CDYL: variants seen among roughly 807,000 people sequenced by gnomAD.
CDYL encodes chromodomain Y-like protein.
A neutral mutation model predicts 47.3 loss-of-function variants in CDYL; 8 were observed. The ratio of observed to expected loss-of-function variants is 0.17; its 90% confidence interval spans 0.10 to 0.31. CDYL has a LOEUF of 0.31. Ranked by LOEUF, CDYL falls within the 10% of genes least tolerant of loss-of-function variation. CDYL has a pLI of 1.00. For missense variants in CDYL, 471 were observed against 701.4 expected (o/e 0.67, Z 3.71); for synonymous variants, 266 against 265.0 (o/e 1.00, Z -0.04).
chr6:4,871,548 G>T (rs1222834330), intron 1 of CDYL, among the ~76,000 whole-genome samples: 4 of 152,216 alleles, frequency 2.6e-5, no homozygotes, highest in Admixed American at 2.6e-4. Flanking sequence ...GATCCATCTG[G>T]TTAGGAGGCT....
intron 1 of CDYL, among the ~76,000 whole-genome samples, chr6:4,861,709 G>C (rs1024296265): frequency 6.6e-6 from 1 of 152,182 alleles, no homozygotes; most frequent in Non-Finnish European, 1.5e-5. Context: ...TGTTCTTCTT[G>C]ATGCCCTTGG....
intron 1 of CDYL, among the ~76,000 whole-genome samples, chr6:4,866,659 A>G (rs1761331648): frequency 6.6e-6 from 1 of 152,152 alleles, no homozygotes; most frequent in African/African-American, 2.4e-5. Flanking sequence ...GCTTAAAGTC[A>G]CAGTTTCCAA....
intron 1 of CDYL, among the ~76,000 whole-genome samples, chr6:4,826,350 T>C (rs1280324131): frequency 6.6e-6 from 1 of 152,204 alleles, no homozygotes. Context: ...ATTCTCTATG[T>C]ATCTTACCCG....
Position 4,920,803 on chromosome 6 carries a change from A to G in CDYL, c.692-14712A>G, listed in dbSNP as rs549980686. On this transcript the variant is annotated intron_variant, in intron 2 of 6. Transcript: ENST00000397588. ...GCTAATTTTTGCATTTTTAGCAGAG[A>G]CGGGATTTCATCATGTTGGCCAGAC... Among the ~76,000 whole-genome samples the G allele has an allele frequency of 2.6e-5, 4 of 152,298 alleles. No homozygotes were observed. In the South Asian group the frequency reaches 8.3e-4, roughly 32 times the overall value.
At chr6:4,944,155 C>T (rs1450272774) in intron 5 of CDYL, among the ~76,000 whole-genome samples, 1 of 152,166 alleles carries the variant, frequency 6.6e-6, no homozygotes, top group African/African-American at 2.4e-5. Context: ...GTTTTTATTT[C>T]TTTAACTGTT....
intron 1 of CDYL, among the ~76,000 whole-genome samples, chr6:4,707,283 T>C (rs1184287032): frequency 6.6e-6 from 1 of 152,214 alleles, no homozygotes; most frequent in Non-Finnish European, 1.5e-5. Flanking sequence ...GTCTGTTTTT[T>C]GTTTTTTATT....
intron 4 of CDYL, among the ~76,000 whole-genome samples, chr6:4,938,714 C>A (rs948529361): frequency 6.6e-6 from 1 of 152,146 alleles, no homozygotes; most frequent in South Asian, 2.1e-4. Context: ...TATATACACA[C>A]AAATAGTATC....
At chr6:4,920,939 A>ATGTG (rs1320677903) in intron 2 of CDYL, among the ~76,000 whole-genome samples, 1 of 151,894 alleles carries the variant, frequency 6.6e-6, no homozygotes, top group Non-Finnish European at 1.5e-5. Flanking sequence ...TTTAAATTGC[A>ATGTG]TGTGTGTGTT....
chr6:4,759,036 C>T (rs1278326764), intron 3 of CDYL, among the ~76,000 whole-genome samples: 9 of 147,468 alleles, frequency 6.1e-5, no homozygotes, highest in African/African-American at 1.8e-4. Context: ...GGCACGATCT[C>T]GGCTCACTGC....
intron 2 of CDYL, among the ~76,000 whole-genome samples, chr6:4,934,520 GCCC>G (rs1758129456): frequency 6.6e-6 from 1 of 151,960 alleles, no homozygotes; most frequent in Non-Finnish European, 1.5e-5. Flanking sequence ...TTCATGCTCC[GCCC>G]TCAGAGAACT....
chr6:4,942,920 C>G (rs1369720734), intron 4 of CDYL, among the ~76,000 whole-genome samples: 4 of 152,186 alleles, frequency 2.6e-5, no homozygotes, highest in Non-Finnish European at 5.9e-5. Flanking sequence ...GTTTGCAGGT[C>G]GCATGTCTTG....
chr6:4,911,171 A>G (rs910518839), intron 2 of CDYL, among the ~76,000 whole-genome samples: 1 of 152,208 alleles, frequency 6.6e-6, no homozygotes. Flanking sequence ...ATACAGGGAT[A>G]TAGTGTTCTG....
At chr6:4,848,989 A>G (rs985062786) in intron 1 of CDYL, among the ~76,000 whole-genome samples, 7 of 152,262 alleles carry the variant, frequency 4.6e-5, no homozygotes, top group African/African-American at 1.2e-4. Context: ...GATTAAAAAG[A>G]TAAGTAATGT....
At chr6:4,808,186 G>A (rs1379058860) in intron 1 of CDYL, among the ~76,000 whole-genome samples, 2 of 152,138 alleles carry the variant, frequency 1.3e-5, no homozygotes, top group Non-Finnish European at 2.9e-5. Context: ...CACATGCGGG[G>A]CAACACGTGC....
chr6:4,880,678 C>T (rs1761740092), intron 1 of CDYL, among the ~76,000 whole-genome samples: 1 of 152,218 alleles, frequency 6.6e-6, no homozygotes, highest in Non-Finnish European at 1.5e-5. Flanking sequence ...TCTATTGCTC[C>T]ACATCCTCAC....
At chr6:4,952,466 CAGAG>C (rs1303269749) in intron 6 of CDYL, 57 bp downstream of exon 6, 16 of 1,551,822 alleles carry the variant, frequency 1.0e-5, no homozygotes, top group East Asian at 2.3e-5. Flanking sequence ...ACTTTTCCCT[CAGAG>C]AGCTCACAAA....
intron 1 of CDYL, chr6:4,836,147 G>T (rs771175310): frequency 1.5e-3 from 391 of 268,500 alleles, no homozygotes; most frequent in Non-Finnish European, 2.0e-3. Context: ...AGATGGAAAT[G>T]CTGAAATCAC....
intron 1 of CDYL, among the ~76,000 whole-genome samples, chr6:4,821,295 G>T (rs1206052539): frequency 2.3e-4 from 27 of 118,604 alleles, no homozygotes; most frequent in African/African-American, 9.1e-4. Flanking sequence ...TTTTTGAGAC[G>T]GAGTCTCACT....
At chr6:4,849,747 C>T (rs1334328338) in intron 1 of CDYL, among the ~76,000 whole-genome samples, 1 of 151,336 alleles carries the variant, frequency 6.6e-6, no homozygotes, top group Non-Finnish European at 1.5e-5. Context: ...ACTTCTTTTG[C>T]ACCTGTTAAG....
Sources: gnomAD v4.1 joint callset for allele counts (sites outside exome capture counted in the v4.1 genomes callset) on GRCh38, gnomAD v4.1.1 for gene constraint, MANE v1.5 for transcripts, NCBI Gene and HGNC (gene_info 2026-07-23, HGNC 2026-07-21) for gene names.